Variants in PRKD1 observed in about 807,000 individuals in gnomAD.
The protein encoded by PRKD1 is protein kinase D1.
PRKD1 carries 63 observed loss-of-function variants against 95.9 expected under a neutral mutation model. That is an observed-to-expected ratio of 0.66 (90% CI 0.54 to 0.81). PRKD1 has a LOEUF of 0.81. PRKD1 is among the 30% of genes least tolerant of loss of function. The pLI, the probability that PRKD1 is intolerant of heterozygous loss-of-function variation, is 0.00. For synonymous variants in PRKD1, 425 were observed against 423.1 expected, an observed-to-expected ratio of 1.00 and a Z score of -0.05; for missense variants, 1,048 against 1,165.3, an observed-to-expected ratio of 0.90 and a Z score of 1.47.
intron 1 of PRKD1, among the ~76,000 whole-genome samples, chr14:29,804,234 C>T (rs1385181301): frequency 5.2e-5 from 6 of 115,042 alleles, no homozygotes; most frequent in Non-Finnish European, 1.1e-4. Flanking sequence ...AAGAACGAAA[C>T]TAAAAAAAAA....
At chr14:29,690,610 A>G (rs1884173271) in intron 2 of PRKD1, among the ~76,000 whole-genome samples, 1 of 152,090 alleles carries the variant, frequency 6.6e-6, no homozygotes. Flanking sequence ...CTTTTCCAAT[A>G]TATTCTCAAT....
chr14:29,618,247 T>C (rs1271695247), intron 13 of PRKD1, among the ~76,000 whole-genome samples: 1 of 146,892 alleles, frequency 6.8e-6, no homozygotes, highest in East Asian at 2.1e-4. Context: ...ATAAGCTTAA[T>C]ATCTACATTC....
At chr14:29,920,503 C>T (rs1407839663) in intron 1 of PRKD1, among the ~76,000 whole-genome samples, 1 of 151,828 alleles carries the variant, frequency 6.6e-6, no homozygotes, top group African/African-American at 2.4e-5. Flanking sequence ...CAAGTTCTAA[C>T]AGTCTGAGTC....
intron 2 of PRKD1, among the ~76,000 whole-genome samples, chr14:29,723,697 T>C (rs1000443416): frequency 7.0e-6 from 1 of 142,088 alleles, no homozygotes; most frequent in Admixed American, 7.1e-5. Flanking sequence ...GTGTGTGTAA[T>C]TGATATACTA....
At chr14:29,797,560 A>G (rs1025598906) in intron 1 of PRKD1, among the ~76,000 whole-genome samples, 3 of 152,142 alleles carry the variant, frequency 2.0e-5, no homozygotes, top group Admixed American at 6.5e-5. Context: ...TTTCCGGAAC[A>G]CCCTAAAACT....
At chr14:29,611,764 A>AAAC (rs1878486756) in intron 13 of PRKD1, among the ~76,000 whole-genome samples, 1 of 146,330 alleles carries the variant, frequency 6.8e-6, no homozygotes, top group Admixed American at 6.8e-5. Flanking sequence ...AAAAAAACAA[A>AAAC]CGCTGGAATC....
chr14:29,758,718 C>T (rs779341315), intron 1 of PRKD1, among the ~76,000 whole-genome samples: 25 of 152,144 alleles, frequency 1.6e-4, no homozygotes, highest in Non-Finnish European at 3.2e-4. Flanking sequence ...GGAGATTTCA[C>T]ATAATTGCTG....
intron 1 of PRKD1, among the ~76,000 whole-genome samples, chr14:29,726,241 G>T (rs1463968783): frequency 6.6e-6 from 1 of 152,084 alleles, no homozygotes. Flanking sequence ...TTCTGCTGCT[G>T]CCCCTACTGC....
chr14:29,848,140 T>C (rs781628966), intron 1 of PRKD1, among the ~76,000 whole-genome samples: 15 of 152,254 alleles, frequency 9.9e-5, no homozygotes, highest in South Asian at 6.2e-4. Context: ...GCAGCTCTTC[T>C]TGTGTTCATA....
At chr14:29,708,346 T>G (rs543684235) in intron 2 of PRKD1, among the ~76,000 whole-genome samples, 3 of 152,294 alleles carry the variant, frequency 2.0e-5, no homozygotes, top group Non-Finnish European at 4.4e-5. Flanking sequence ...AACAGACAAT[T>G]GAAACTATTA....
At chr14:29,860,271 C>A (rs144722405) in intron 1 of PRKD1, among the ~76,000 whole-genome samples, 2 of 152,192 alleles carry the variant, frequency 1.3e-5, no homozygotes, top group Admixed American at 6.5e-5. Flanking sequence ...GCGAAGGCTG[C>A]GGAGGGAAAA....
chr14:29,591,920 G>A (rs1441310143), intron 16 of PRKD1, among the ~76,000 whole-genome samples: 1 of 152,030 alleles, frequency 6.6e-6, no homozygotes, highest in Non-Finnish European at 1.5e-5. Context: ...ACAATGAAAG[G>A]AGGGCCATAC....
At chr14:29,926,656 T>G (rs1311231299) in intron 1 of PRKD1, among the ~76,000 whole-genome samples, 2 of 152,148 alleles carry the variant, frequency 1.3e-5, no homozygotes, top group African/African-American at 4.8e-5. Flanking sequence ...GTCGCAACTT[T>G]CAGGTTTTGT....
At chr14:29,717,497 A>G (rs1885671791) in intron 2 of PRKD1, among the ~76,000 whole-genome samples, 2 of 152,148 alleles carry the variant, frequency 1.3e-5, no homozygotes, top group African/African-American at 4.8e-5. Flanking sequence ...CAAAGTATTG[A>G]CTGAAAATCA....
chr14:29,638,077 TA>T (rs781384396), intron 6 of PRKD1, among the ~76,000 whole-genome samples: 31 of 152,154 alleles, frequency 2.0e-4, no homozygotes, highest in Non-Finnish European at 3.2e-4. Context: ...AAAATACATC[TA>T]TTTTTTTTTG....
rs193179539 is a variant in PRKD1, at chr14:29,588,626, G to A, written c.2434+8865C>T. Among the ~76,000 whole-genome samples, 269 of 152,242 alleles carry A rather than the reference G, an allele frequency of 1.8e-3. 1 individual carries two copies. The highest frequency in any genetic ancestry group is 5.8e-3 in the African/African-American group (240 of 41,538). On this transcript the variant is annotated intron_variant, in intron 16 of 17. Transcript: ENST00000331968. ...TATCAGGAAAAAGAAGCACAAATAC[G>A]ACCATGGAGGTTGCCAGGGCACACA...
At chr14:29,752,137 A>C (rs948279112) in intron 1 of PRKD1, among the ~76,000 whole-genome samples, 2 of 150,880 alleles carry the variant, frequency 1.3e-5, no homozygotes, top group African/African-American at 2.4e-5. Context: ...AGATGTTAGA[A>C]AAAAAGTTCC....
chr14:29,894,752 A>C (rs181823392), intron 1 of PRKD1, among the ~76,000 whole-genome samples: 1 of 152,286 alleles, frequency 6.6e-6, no homozygotes, highest in East Asian at 1.9e-4. Flanking sequence ...TAGTATTGAG[A>C]ATGGTTTCTC....
intron 1 of PRKD1, among the ~76,000 whole-genome samples, chr14:29,798,469 T>G (rs899630852): frequency 6.6e-6 from 1 of 152,068 alleles, no homozygotes; most frequent in African/African-American, 2.4e-5. Context: ...CCCAGAACAT[T>G]AAGGATCCAT....
Sources: gnomAD v4.1 joint callset for allele counts (sites outside exome capture counted in the v4.1 genomes callset) on GRCh38, gnomAD v4.1.1 for gene constraint, MANE v1.5 for transcripts, NCBI Gene and HGNC (gene_info 2026-07-23, HGNC 2026-07-21) for gene names.